Variants in BEGAIN observed in about 807,000 individuals in gnomAD.
BEGAIN encodes the protein brain-enriched guanylate kinase-associated protein.
In BEGAIN, 19 loss-of-function variants were observed where a neutral mutation model predicts 35.8. The ratio of observed to expected loss-of-function variants is 0.53; its 90% CI spans 0.37 to 0.78. BEGAIN has a LOEUF of 0.78. Among genes scored for constraint, BEGAIN ranks in the 30% least tolerant of loss-of-function variants. The pLI, the probability that BEGAIN is intolerant of heterozygous loss-of-function variation, is 0.00. For missense variants in BEGAIN, 795 were observed against 853.6 expected (o/e 0.93, Z 0.85); for synonymous variants, 462 against 388.6 (o/e 1.19, Z -2.22).
At chr14:100,575,077 C>T (rs987687360) in intron 1 of BEGAIN, among the ~76,000 whole-genome samples, 5 of 152,196 alleles carry the variant, frequency 3.3e-5, no homozygotes, top group Non-Finnish European at 7.4e-5. Flanking sequence ...CATGGCCACT[C>T]AGCCAGGCAG....
chr14:100,581,080 C>T lies in BEGAIN; in HGVS notation c.42+6169G>A, dbSNP rs374264032. Among the ~76,000 whole-genome samples, 114 of 152,306 alleles carry T rather than the reference C, an allele frequency of 7.5e-4. 1 individual carries two copies. The highest frequency in any genetic ancestry group is 2.6e-3 in the African/African-American group (108 of 41,570). Reference sequence around the variant, plus strand: ...GGCTGGCAGATCCAAGTTCAAATCCCTTCTCCAACACTCCAACAGGCCTGC... The same window carrying T: ...GGCTGGCAGATCCAAGTTCAAATCCTTTCTCCAACACTCCAACAGGCCTGC... On this transcript the variant is annotated intron_variant, in intron 1 of 6. Transcript: ENST00000554140.
At chr14:100,557,459 G>A (rs1373264775) in intron 2 of BEGAIN, among the ~76,000 whole-genome samples, 3 of 152,168 alleles carry the variant, frequency 2.0e-5, no homozygotes, top group Non-Finnish European at 2.9e-5. Flanking sequence ...TGGGGACCCC[G>A]TGCGGTCCCA....
chr14:100,584,629 C>T (rs2035394961), intron 1 of BEGAIN, among the ~76,000 whole-genome samples: 1 of 152,128 alleles, frequency 6.6e-6, no homozygotes, highest in Admixed American at 6.5e-5. Context: ...ATAGAGACAC[C>T]TCTGGCCAGC....
At chr14:100,562,072 G>A (rs560901586) in intron 2 of BEGAIN, among the ~76,000 whole-genome samples, 9 of 152,284 alleles carry the variant, frequency 5.9e-5, no homozygotes, top group Non-Finnish European at 7.4e-5. Context: ...ACTTCCTCTA[G>A]TAGGATCAAG....
Position 100,558,295 on chromosome 14 carries a change from G to A in BEGAIN, c.71+9616C>T, listed in dbSNP as rs941963350. Among the ~76,000 whole-genome samples, 1 of 152,146 alleles carries A rather than the reference G, an allele frequency of 6.6e-6. No homozygotes were observed. Among genetic ancestry groups the A allele is most frequent in the Admixed American group, 6.5e-5 (1 of 15,276 alleles). ...CCCTCCATGTCACCGAACTGGTCCT[G>A]TCTCAGCCTTCACCTGACCTGCGCC... is the stretch of plus-strand genomic sequence containing the variant. On this transcript the variant is annotated intron_variant, in intron 2 of 6. Coordinates refer to ENST00000554140, the MANE Select transcript of BEGAIN (RefSeq NM_001385089.1). This position sits in a 1 kb window ranked among gnomAD's most constrained non-coding sequence, Gnocchi z 4.6.
At chr14:100,551,574 T>C (rs1444100345) in intron 2 of BEGAIN, among the ~76,000 whole-genome samples, 1 of 152,230 alleles carries the variant, frequency 6.6e-6, no homozygotes, top group Non-Finnish European at 1.5e-5. Context: ...AATGTTAATG[T>C]AGTTATACCT....
Position 100,567,558 on chromosome 14 carries a change from A to G in BEGAIN, c.71+353T>C, listed in dbSNP as rs1387529153. Among the ~76,000 whole-genome samples, 2 of 151,868 alleles carry G rather than the reference A, an allele frequency of 1.3e-5. No individual in the cohort carries two copies. Among genetic ancestry groups the G allele is most frequent in the South Asian group, 2.1e-4 (1 of 4,812 alleles). ...GGCAGTGCGGAACGGCACGAACGGA[A>G]CCCGGAGGGTCCCCGGGGACCAGCG... is the stretch of plus-strand genomic sequence containing the variant. On this transcript the variant is annotated intron_variant, in intron 2 of 6. Coordinates refer to ENST00000554140, the MANE Select transcript of BEGAIN (RefSeq NM_001385089.1). The surrounding 1 kb of genome is among the most constrained non-coding windows in gnomAD (Gnocchi z 5.1).
chr14:100,540,402 C>T (rs2031414977), intron 6 of BEGAIN, 94 bp downstream of exon 6: 4 of 976,420 alleles, frequency 4.1e-6, no homozygotes, highest in Admixed American at 2.1e-5. Flanking sequence ...GCATCTTCCT[C>T]CTCAAAGATG....
At chr14:100,572,805 C>G (rs1017215995) in intron 1 of BEGAIN, among the ~76,000 whole-genome samples, 53 of 152,218 alleles carry the variant, frequency 3.5e-4, no homozygotes, top group African/African-American at 1.1e-3. Flanking sequence ...GGAGAGCCAG[C>G]CTTCTAACTG....
At chr14:100,562,836 A>G (rs1255168174) in intron 2 of BEGAIN, among the ~76,000 whole-genome samples, 2 of 152,182 alleles carry the variant, frequency 1.3e-5, no homozygotes, top group Admixed American at 6.5e-5. Context: ...CGTGATATTT[A>G]TTTAACTTAA....
chr14:100,556,346 C>A (rs1249127929), intron 2 of BEGAIN, among the ~76,000 whole-genome samples: 1 of 152,210 alleles, frequency 6.6e-6, no homozygotes, highest in African/African-American at 2.4e-5. Context: ...CCCCGCTGCC[C>A]CCCTCTTTCT....
chr14:100,545,793 G>T (rs1341790559), intron 3 of BEGAIN, among the ~76,000 whole-genome samples: 1 of 152,188 alleles, frequency 6.6e-6, no homozygotes, highest in East Asian at 1.9e-4. Context: ...AAAACACTCA[G>T]GAGCTGGGGC....
At position 100,564,435 on chromosome 14, in the gene BEGAIN, A is replaced by T. The variant is rs569523957; in HGVS notation, c.71+3476T>A. Among the ~76,000 whole-genome samples the T allele has an allele frequency of 5.9e-5, 9 of 152,222 alleles. No homozygotes were observed. In the South Asian group the frequency reaches 1.0e-3, roughly 18 times the overall value. ...ATAGAAAAAGGGGCTGCCCAGCAGC[A>T]CGCTGCAGGAGGCAGGCAGGAGGGA... On this transcript the variant is annotated intron_variant, in intron 2 of 6. Transcript: ENST00000554140.
rs1224850832 is a variant in BEGAIN at position 100,568,847 on chromosome 14, G to A, written c.43-908C>T. ...GGCTTTGCCCGTCTTTCTGTGCCGT[G>A]ACTGGCACTCAAGGGGGACAGGGGT... On this transcript the variant is annotated intron_variant, in intron 1 of 6. Transcript: ENST00000554140. This position sits in a 1 kb window ranked among gnomAD's most constrained non-coding sequence, Gnocchi z 7.5. 13 of 986,172 alleles carry A rather than the reference G, an allele frequency of 1.3e-5. No individual in the cohort carries two copies. The highest frequency in any genetic ancestry group is 1.6e-5 in the Non-Finnish European group (13 of 830,742). The allele number at this position is 986,172 out of a possible 1,614,324, so 61.1% of individuals were successfully genotyped here.
At position 100,539,150 on chromosome 14, in the gene BEGAIN, C is replaced by G. The variant is rs180737404; in HGVS notation, c.658G>C (p.Asp220His). The G allele has an allele frequency of 1.3e-6, 2 of 1,599,906 alleles. No individual in the cohort carries two copies. The highest frequency in any genetic ancestry group is 1.7e-6 in the Non-Finnish European group (2 of 1,170,970). Residue 220 changes from aspartate to histidine, a missense_variant, in exon 7 of 7, where the codon GAT becomes CAT. By Grantham distance (81) the Asp-to-His change is moderately conservative (BLOSUM62 -1). Coordinates refer to ENST00000554140, the MANE Select transcript of BEGAIN (RefSeq NM_001385089.1). ...AAGGCCAGGTCGCGGGCGGAGGCAT[C>G]GGACAGGCGGGAGGACAGGCTGGCG... Reference protein sequence around the residue: ...DPASLSSRLSDASARDLAFCD... With the variant: ...DPASLSSRLSHASARDLAFCD...
chr14:100,541,075 G>T (rs2031535441), intron 5 of BEGAIN, among the ~76,000 whole-genome samples: 1 of 152,266 alleles, frequency 6.6e-6, no homozygotes, highest in Admixed American at 6.5e-5. Context: ...TTCCCAGAGT[G>T]TGGTTTGGAA....
intron 2 of BEGAIN, among the ~76,000 whole-genome samples, chr14:100,564,056 T>C (rs1017662520): frequency 6.8e-6 from 1 of 146,238 alleles, no homozygotes; most frequent in African/African-American, 2.6e-5. Context: ...TCCCGGTGAC[T>C]GCTTGGAGTA....
intron 1 of BEGAIN, among the ~76,000 whole-genome samples, chr14:100,584,064 TATC>T (rs2035383909): frequency 6.6e-6 from 1 of 152,150 alleles, no homozygotes; most frequent in Admixed American, 6.5e-5. Context: ...TTCCATACAG[TATC>T]ATCCACCCAT....
chr14:100,555,533 G>C (rs1427674872), intron 2 of BEGAIN, among the ~76,000 whole-genome samples: 1 of 152,240 alleles, frequency 6.6e-6, no homozygotes, highest in Non-Finnish European at 1.5e-5. Context: ...ACCCCCGAAA[G>C]GGAGGTGTGT....
Sources: gnomAD v4.1 joint callset for allele counts (sites outside exome capture counted in the v4.1 genomes callset) on GRCh38, gnomAD v4.1.1 for gene constraint, Gnocchi (gnomAD v3.1) non-coding constraint, MANE v1.5 for transcripts, NCBI Gene and HGNC (gene_info 2026-07-23, HGNC 2026-07-21) for gene names.